The following FAM20A variants were observed in gnomAD, a reference collection of about 807,000 sequenced individuals.
FAM20A encodes the protein FAM20A golgi associated secretory pathway pseudokinase, also known as pseudokinase FAM20A.
In FAM20A, 42 loss-of-function variants were observed where a neutral mutation model predicts 52.0. The ratio of observed to expected loss-of-function variants is 0.81; its 90% CI spans 0.63 to 1.04. The LOEUF is 1.04. FAM20A is among the 50% of genes least tolerant of loss of function. FAM20A has a pLI of 0.00. For missense variants in FAM20A, 742 were observed against 712.7 expected, an observed-to-expected ratio of 1.04 and a Z score of -0.47; for synonymous variants, 304 against 298.9, an observed-to-expected ratio of 1.02 and a Z score of -0.18.
chr17:68,548,680 A>G (rs905444823), intron 4 of FAM20A, among the ~76,000 whole-genome samples: 1 of 151,766 alleles, frequency 6.6e-6, no homozygotes, highest in African/African-American at 2.4e-5. Flanking sequence ...AGTATCTGCA[A>G]AGTACAATAA....
rs1276024259 is a variant in FAM20A at position 68,600,675 on chromosome 17, G to C, written c.-9C>G. The C allele has an allele frequency of 6.5e-7, 1 of 1,536,762 alleles. No homozygotes were observed. The highest frequency in any genetic ancestry group is 8.7e-7 in the Non-Finnish European group (1 of 1,147,978). ...CGGCGCAGCCCCGGCATGGCGTGCTGGCCAAGGGGGACGCCGGGGGCAGGC... is the reference window on the plus strand; with the variant it reads ...CGGCGCAGCCCCGGCATGGCGTGCTCGCCAAGGGGGACGCCGGGGGCAGGC... On this transcript the variant is annotated 5_prime_UTR_variant, in exon 1 of 11. Transcript: ENST00000592554. The surrounding 1 kb of genome is among the most constrained non-coding windows in gnomAD (Gnocchi z 6.2).
intron 1 of FAM20A, among the ~76,000 whole-genome samples, chr17:68,557,828 A>G (rs1313981703): frequency 6.6e-6 from 1 of 152,190 alleles, no homozygotes; most frequent in Non-Finnish European, 1.5e-5. Flanking sequence ...TCTTTGGGAA[A>G]TCATGTCACG....
At chr17:68,569,827 C>G (rs1284238214) in intron 1 of FAM20A, among the ~76,000 whole-genome samples, 1 of 152,198 alleles carries the variant, frequency 6.6e-6, no homozygotes, top group East Asian at 1.9e-4. Context: ...TCTTTGCCTC[C>G]TCGTTTGTCT....
chr17:68,562,910 C>T (rs1424834476), intron 1 of FAM20A, among the ~76,000 whole-genome samples: 1 of 152,200 alleles, frequency 6.6e-6, no homozygotes, highest in African/African-American at 2.4e-5. Flanking sequence ...ACCAGAAAGC[C>T]TGCCTGGTAT....
Position 68,539,919 on chromosome 17 carries a change from C to T in FAM20A, c.1267G>A (p.Asp423Asn), listed in dbSNP as rs1397452498. Residue 423 changes from aspartate to asparagine, a missense_variant, in exon 9 of 11, where the codon GAT (aspartate) becomes AAT (asparagine). By Grantham distance (23) the Asp-to-Asn change is conservative. Transcript: ENST00000592554. ...HYEMFTKFGDDGFLIHLDNAR... is the reference protein window; with the variant it reads ...HYEMFTKFGDNGFLIHLDNAR... Reference sequence around the variant, plus strand: ...TTGTCAAGGTGAATAAGGAACCCATCATCCCCGAACTTGGTGAACATCTCA... The same window carrying T: ...TTGTCAAGGTGAATAAGGAACCCATTATCCCCGAACTTGGTGAACATCTCA... 2.5e-6 allele frequency: 4 copies of T among 1,614,206 alleles called. No homozygotes were observed. The highest frequency in any genetic ancestry group is 1.7e-5 in the Admixed American group (1 of 60,024).
intron 1 of FAM20A, among the ~76,000 whole-genome samples, chr17:68,580,900 G>C (rs910986531): frequency 6.6e-6 from 1 of 152,146 alleles, no homozygotes; most frequent in Non-Finnish European, 1.5e-5. Flanking sequence ...CAGCAAAAAT[G>C]ACACCTCCAA....
At chr17:68,542,223 T>C in intron 6 of FAM20A, 58 bp from the exon 7 acceptor site, 1 of 1,586,802 alleles carries the variant, frequency 6.3e-7, no homozygotes. Context: ...GCATGACATC[T>C]TCCTGGCCTA....
At position 68,537,681 on chromosome 17, in the gene FAM20A, G is replaced by T. The variant is rs1200474965; in HGVS notation, c.1422C>A (p.Ser474Arg). 1.2e-6 allele frequency: 2 copies of T among 1,613,604 alleles called. No individual in the cohort carries two copies. Among genetic ancestry groups the T allele is most frequent in the Middle Eastern group, 1.6e-4 (1 of 6,062 alleles). ...QLLAQADYRL[S>R]DVMRESLLED... The stretch of plus-strand genomic sequence containing the variant: ...CCAGCAGTGATTCTCGCATCACATC[G>T]CTGAGTCTGTAGTCAGCTTGGGCCA... Residue 474 changes from serine (S) to arginine (R), a missense_variant, in exon 11 of 11, where the codon AGC (serine) becomes AGA (arginine). Physicochemically the swap from Ser to Arg is moderately radical, Grantham distance 110 (BLOSUM62 -1). Coordinates refer to ENST00000592554, the MANE Select transcript of FAM20A (RefSeq NM_017565.4). This position sits in a 1 kb window ranked among gnomAD's most constrained non-coding sequence, Gnocchi z 4.2.
At chr17:68,540,043 G>A in intron 8 of FAM20A, 77 bp from the exon 9 acceptor site, 4 of 1,273,108 alleles carry the variant, frequency 3.1e-6, no homozygotes, top group Non-Finnish European at 4.6e-6. Flanking sequence ...TCTCTCCAGG[G>A]AACGGAGGCC....
In FAM20A at chr17:68,544,093, T is replaced by G. The variant is rs567788905; in HGVS notation, c.720-372A>C. Among the ~76,000 whole-genome samples the G allele has an allele frequency of 2.0e-5, 3 of 152,222 alleles. No individual in the cohort carries two copies. The South Asian group carries it at 6.2e-4, about 32-fold the overall frequency. On this transcript the variant is annotated intron_variant, in intron 4 of 10. Coordinates refer to ENST00000592554, the MANE Select transcript of FAM20A (RefSeq NM_017565.4). The stretch of plus-strand genomic sequence containing the variant: ...GAATGGTTAGCAGAACCAGAGGTAG[T>G]GCAGATCCAGATGTCCAAGGATGAA...
At chr17:68,581,515 C>T (rs1246837254) in intron 1 of FAM20A, among the ~76,000 whole-genome samples, 1 of 106,968 alleles carries the variant, frequency 9.3e-6, no homozygotes, top group Non-Finnish European at 2.0e-5. Flanking sequence ...TTCTCTTTCT[C>T]TCCTTTCTTT....
rs1254141806 is a variant in FAM20A, at chr17:68,580,348, G to GCGAAATGGGCTGGTTTCC, written c.404+19897_404+19914dup. ...GTACCAAGATTTTACTGAGATTTTT[G>GCGAAATGGGCTGGTTTCC]CGAAATGGGCTGGTTTCCCGAAATG... is the stretch of plus-strand genomic sequence containing the variant. On this transcript the variant is annotated intron_variant, in intron 1 of 10. Transcript: ENST00000592554. Among the ~76,000 whole-genome samples the GCGAAATGGGCTGGTTTCC allele has an allele frequency of 1.6e-3, 250 of 152,292 alleles. 2 individuals carry two copies. Among genetic ancestry groups the GCGAAATGGGCTGGTTTCC allele is most frequent in the Admixed American group, 1.3e-3 (20 of 15,290 alleles).
chr17:68,539,500 A>C, intron 9 of FAM20A, 104 bp from the exon 10 acceptor site: 1 of 1,042,644 alleles, frequency 9.6e-7, no homozygotes, highest in Non-Finnish European at 1.5e-6. Context: ...GATTGGGGTA[A>C]AATGCCAGGG....
chr17:68,540,791 G>A, intron 8 of FAM20A, 58 bp downstream of exon 8: 1 of 1,552,290 alleles, frequency 6.4e-7, no homozygotes, highest in East Asian at 2.4e-5. Context: ...AGGTCACGGG[G>A]AACCCTAGCC....
At chr17:68,594,411 AC>A (rs2088397451) in intron 1 of FAM20A, among the ~76,000 whole-genome samples, 1 of 148,132 alleles carries the variant, frequency 6.8e-6, no homozygotes, top group Non-Finnish European at 1.5e-5. Flanking sequence ...AAAAAAAAAA[AC>A]AAAACAGTAT....
intron 1 of FAM20A, among the ~76,000 whole-genome samples, chr17:68,573,532 C>CTTCCTTTCT (rs1185065004): frequency 4.2e-5 from 6 of 143,586 alleles, no homozygotes. Flanking sequence ...TCCTTCCTTC[C>CTTCCTTTCT]TTCCTTTCTT....
intron 1 of FAM20A, among the ~76,000 whole-genome samples, chr17:68,573,456 C>T (rs200337524): frequency 7.1e-4 from 78 of 109,458 alleles, no homozygotes; most frequent in African/African-American, 2.5e-3. Flanking sequence ...TTCTTTCTTT[C>T]TTCTTTCTTT....
chr17:68,557,250 G>T (rs2087080700), intron 1 of FAM20A, among the ~76,000 whole-genome samples: 1 of 151,986 alleles, frequency 6.6e-6, no homozygotes, highest in South Asian at 2.1e-4. Context: ...ATGTATTATG[G>T]GGAAGGAAAT....
Position 68,555,665 on chromosome 17 carries a change from C to G in FAM20A, c.483G>C (p.Trp161Cys). The change falls in exon 2 of 11, where the codon TGG becomes TGC. Residue 161 changes from tryptophan to cysteine, a missense_variant. Transcript: ENST00000592554. ...GGTTAATACCCAGGTGGAACTGGAC[C>G]CAGCTGGCCTCGAGTCGGAGCTGCA... ...PPLQLRLEAS[W>C]VQFHLGINRH... 1 of 1,613,762 alleles carries G rather than the reference C, an allele frequency of 6.2e-7. No homozygotes were observed. Among genetic ancestry groups the G allele is most frequent in the East Asian group, 2.2e-5 (1 of 44,884 alleles).
Sources: gnomAD v4.1 joint callset for allele counts (sites outside exome capture counted in the v4.1 genomes callset) on GRCh38, gnomAD v4.1.1 for gene constraint, Gnocchi (gnomAD v3.1) non-coding constraint, MANE v1.5 for transcripts, NCBI Gene and HGNC (gene_info 2026-07-23, HGNC 2026-07-21) for gene names.